Variants in ATF3 observed in about 807,000 individuals in gnomAD.
The protein encoded by ATF3 is activating transcription factor 3, also known as cyclic AMP-dependent transcription factor ATF-3.
Under a neutral mutation model 18.4 loss-of-function variants are expected in ATF3, and 10 were observed. The ratio of observed to expected loss-of-function variants is 0.54; its 90% CI spans 0.34 to 0.92. The LOEUF is 0.92. ATF3 is among the 40% of genes least tolerant of loss of function. The probability of loss-of-function intolerance (pLI) is 0.02; values close to 1 mark genes in which losing one functional copy is unlikely to be tolerated. For synonymous variants in ATF3, 78 were observed against 87.9 expected (o/e 0.89, Z 0.63); for missense variants, 183 against 222.3 (o/e 0.82, Z 1.12).
At chr1:212,617,355 G>A (rs1022606375) in intron 2 of ATF3, among the ~76,000 whole-genome samples, 51 of 152,218 alleles carry the variant, frequency 3.4e-4, no homozygotes, top group African/African-American at 1.2e-3. Context: ...GGCTTCTGGC[G>A]ATGCCATAGT....
At chr1:212,580,348 A>G in intron 1 of ATF3, among the ~76,000 whole-genome samples, 1 of 146,954 alleles carries the variant, frequency 6.8e-6, no homozygotes, top group African/African-American at 2.6e-5. Flanking sequence ...TTTGAGATGG[A>G]GTCTTGCTCT....
Position 212,577,536 on chromosome 1 carries a change from G to A in ATF3, c.-5+12053G>A, listed in dbSNP as rs1025891804. Among the ~76,000 whole-genome samples, 9 of 151,764 alleles carry A rather than the reference G, an allele frequency of 5.9e-5. No homozygotes were observed. In the South Asian group the frequency reaches 1.7e-3, roughly 28 times the overall value. ...TTCTAACTGAAATCTTATATCCTTT[G>A]ACCAACATCGCTTCAACTCACCAGC... On this transcript the variant is annotated intron_variant, in intron 1 of 3. Transcript: ENST00000366981.
intron 1 of ATF3, among the ~76,000 whole-genome samples, chr1:212,573,615 G>A (rs1025373988): frequency 6.6e-6 from 1 of 151,936 alleles, no homozygotes; most frequent in African/African-American, 2.4e-5. Context: ...TTCCATATTT[G>A]TCAATGTTTG....
intron 2 of ATF3, among the ~76,000 whole-genome samples, chr1:212,616,819 AG>A (rs1227250066): frequency 6.6e-6 from 1 of 152,106 alleles, no homozygotes. Flanking sequence ...GGGGTGTAAG[AG>A]AAAGGGAAGA....
intron 1 of ATF3, among the ~76,000 whole-genome samples, chr1:212,609,569 G>A (rs921917957): frequency 6.6e-6 from 1 of 152,224 alleles, no homozygotes; most frequent in Non-Finnish European, 1.5e-5. Context: ...AGTTAGCTGG[G>A]ATAAGCTTGG....
At chr1:212,591,907 C>T (rs1330904318) in intron 1 of ATF3, among the ~76,000 whole-genome samples, 4 of 152,114 alleles carry the variant, frequency 2.6e-5, no homozygotes, top group Admixed American at 2.0e-4. Context: ...TCACTGCAAC[C>T]TCCGCCGGGT....
rs1440141536 is a variant in ATF3 at position 212,615,074 on chromosome 1, C to T, written c.53C>T (p.Ala18Val). The T allele has an allele frequency of 3.1e-6, 5 of 1,614,186 alleles. No homozygotes were observed. The highest frequency in any genetic ancestry group is 4.2e-6 in the Non-Finnish European group (5 of 1,180,032). Residue 18 changes from alanine to valine, a missense_variant, in exon 2 of 4, where the codon GCC becomes GTC. Physicochemically the swap from Ala to Val is moderately conservative, Grantham distance 64. Coordinates refer to ENST00000341491, the MANE Select transcript of ATF3 (RefSeq NM_001674.4). ...TCTGCCTCGGAAGTGAGTGCTTCTG[C>T]CATCGTCCCCTGCCTGTCCCCTCCT... ...QVSASEVSAS[A>V]IVPCLSPPGS...
At chr1:212,615,432 A>C (rs1227615418) in intron 2 of ATF3, among the ~76,000 whole-genome samples, 171 bp downstream of exon 2, 1 of 152,118 alleles carries the variant, frequency 6.6e-6, no homozygotes, top group Non-Finnish European at 1.5e-5. Flanking sequence ...AACATACGTA[A>C]GTACACGTTA....
chr1:212,566,394 A>G (rs1482276979), intron 1 of ATF3, among the ~76,000 whole-genome samples: 5 of 152,152 alleles, frequency 3.3e-5, no homozygotes, highest in Admixed American at 2.0e-4. Context: ...CCTTCTCTGA[A>G]ACTCAATTTT....
chr1:212,619,473 T>C lies in ATF3; in HGVS notation c.464T>C (p.Val155Ala). 1 of 1,614,214 alleles carries C rather than the reference T, an allele frequency of 6.2e-7. No individual in the cohort carries two copies. ...MLNLHRPTCI[V>A]RAQNGRTPED... Reference sequence around the variant, plus strand: ...AACCTTCATCGGCCCACGTGTATTGTCCGGGCTCAGAATGGGAGGACTCCA... The same window carrying C: ...AACCTTCATCGGCCCACGTGTATTGCCCGGGCTCAGAATGGGAGGACTCCA... Residue 155 changes from valine to alanine, a missense_variant, in exon 4 of 4, where the codon GTC becomes GCC. Val to Ala is a moderately conservative substitution (Grantham distance 64). Transcript: ENST00000341491. This position sits in a 1 kb window ranked among gnomAD's most constrained non-coding sequence, Gnocchi z 4.4.
chr1:212,566,602 C>G (rs1358357986), intron 1 of ATF3, among the ~76,000 whole-genome samples: 1 of 152,032 alleles, frequency 6.6e-6, no homozygotes, highest in Non-Finnish European at 1.5e-5. Flanking sequence ...AGGTCACGGT[C>G]AGCTGTGCCA....
At position 212,618,875 on chromosome 1, in the gene ATF3, T is replaced by C; in HGVS notation, c.349-483T>C. On this transcript the variant is annotated intron_variant, in intron 3 of 3. Coordinates refer to ENST00000341491, the MANE Select transcript of ATF3 (RefSeq NM_001674.4). The surrounding 1 kb of genome is among the most constrained non-coding windows in gnomAD (Gnocchi z 4.4). The stretch of plus-strand genomic sequence containing the variant: ...ATGTGGACAGGCCATGACAGAGTCT[T>C]AGCCCAAGTCCCACAGATCCCCAAA... 1.2e-6 allele frequency: 1 copy of C among 819,062 alleles called. No individual in the cohort carries two copies. The highest frequency in any genetic ancestry group is 1.6e-5 in the South Asian group (1 of 64,128). 50.7% of individuals were successfully genotyped at this position (819,062 alleles called of 1,614,324 possible). A position where few individuals can be genotyped will look rare whatever the true frequency, so the allele number is the denominator to read the frequency against.
At chr1:212,571,855 G>A (rs1394844760) in intron 1 of ATF3, among the ~76,000 whole-genome samples, 3 of 151,902 alleles carry the variant, frequency 2.0e-5, no homozygotes, top group African/African-American at 7.3e-5. Flanking sequence ...GGGACTGCAG[G>A]AGCCCGCCAC....
upstream of ATF3, chr1:212,608,696 C>G (rs1337242839): frequency 2.0e-5 from 3 of 152,504 alleles, no homozygotes; most frequent in East Asian, 1.9e-4. Context: ...ACTGGCAACA[C>G]GGAGTAAACG....
intron 1 of ATF3, among the ~76,000 whole-genome samples, chr1:212,570,650 C>A (rs1664464140): frequency 1.3e-5 from 2 of 152,184 alleles, no homozygotes; most frequent in Non-Finnish European, 2.9e-5. Context: ...ATATAGGCAA[C>A]CACAGATTTT....
intron 1 of ATF3, among the ~76,000 whole-genome samples, chr1:212,565,829 C>T (rs974822424): frequency 5.9e-5 from 9 of 152,138 alleles, no homozygotes; most frequent in Admixed American, 2.6e-4. Flanking sequence ...AGGATGAAAC[C>T]GTGGTTTGGG....
intron 1 of ATF3, among the ~76,000 whole-genome samples, chr1:212,582,502 C>T (rs1318948188): frequency 6.6e-6 from 1 of 152,190 alleles, no homozygotes; most frequent in Non-Finnish European, 1.5e-5. Flanking sequence ...TAGTCACAGT[C>T]ATTAGTGCTG....
chr1:212,585,379 C>T (rs898560039), intron 1 of ATF3, among the ~76,000 whole-genome samples: 6 of 152,198 alleles, frequency 3.9e-5, no homozygotes, highest in Non-Finnish European at 8.8e-5. Flanking sequence ...TGCCTCAGGA[C>T]CTTGGCTGGT....
intron 1 of ATF3, among the ~76,000 whole-genome samples, chr1:212,614,542 A>G (rs1239108936): frequency 2.0e-5 from 3 of 151,404 alleles, no homozygotes; most frequent in African/African-American, 7.3e-5. Context: ...CTCTTTGAAA[A>G]AGAGGCTTTT....
Sources: allele counts gnomAD v4.1 joint callset (sites outside exome capture counted in the v4.1 genomes callset), GRCh38; gene constraint gnomAD v4.1.1; non-coding constraint Gnocchi (gnomAD v3.1); transcripts MANE v1.5; gene names NCBI Gene and HGNC (gene_info 2026-07-23, HGNC 2026-07-21).